Variants in ANKFN1 observed in about 807,000 individuals in gnomAD.
ANKFN1 encodes ankyrin repeat and fibronectin type-III domain-containing protein 1.
ANKFN1 carries 74 observed loss-of-function variants against 108.7 expected under a neutral mutation model. The ratio of observed to expected loss-of-function variants is 0.68; its 90% CI spans 0.56 to 0.83. The LOEUF (loss-of-function observed/expected upper bound fraction) is 0.83, where lower values mean the gene tolerates loss of function less well. ANKFN1 is among the 40% of genes least tolerant of loss of function. The pLI, the probability that ANKFN1 is intolerant of heterozygous loss-of-function variation, is 0.00. For synonymous variants in ANKFN1, 547 were observed against 516.2 expected (o/e 1.06, Z -0.81); for missense variants, 1,505 against 1,382.3 (o/e 1.09, Z -1.41).
At chr17:56,119,196 G>T (rs1906456816) in intron 4 of ANKFN1, among the ~76,000 whole-genome samples, 1 of 151,928 alleles carries the variant, frequency 6.6e-6, no homozygotes, top group South Asian at 2.1e-4. Flanking sequence ...CTAGGGGAAG[G>T]GTAAAAAAAT....
chr17:56,259,692 A>G (rs2043454922), intron 3 of ANKFN1, among the ~76,000 whole-genome samples: 1 of 152,160 alleles, frequency 6.6e-6, no homozygotes. Flanking sequence ...AAAATTTTCT[A>G]GTTTGCCAGT....
chr17:56,420,803 G>A (rs1427445663), intron 8 of ANKFN1, among the ~76,000 whole-genome samples: 1 of 151,702 alleles, frequency 6.6e-6, no homozygotes, highest in African/African-American at 2.4e-5. Flanking sequence ...TGCCTGCCGG[G>A]TTCATGCCAT....
chr17:56,511,710 A>G lies in ANKFN1; in HGVS notation c.*441A>G, dbSNP rs1270220943. The G allele has an allele frequency of 6.5e-6, 1 of 154,920 alleles. No individual in the cohort carries two copies. The highest frequency in any genetic ancestry group is 1.4e-5 in the Non-Finnish European group (1 of 70,050). 9.6% of individuals were successfully genotyped at this position (154,920 alleles called of 1,614,324 possible). A position where few individuals can be genotyped will look rare whatever the true frequency, so the allele number is the denominator to read the frequency against. ...TTAGCATCATTTCTCCCTCCATTCC[A>G]AACCTTAAGAAGAGTTTGAGGGAAA... On this transcript the variant is annotated 3_prime_UTR_variant, in exon 21 of 21. Transcript: ENST00000682825.
chr17:56,473,178 T>G lies in ANKFN1; in HGVS notation c.1774-4310T>G, dbSNP rs552390941. 2.6e-5 allele frequency: 4 copies of G among 152,234 alleles called. No individual in the cohort carries two copies. The South Asian group carries it at 8.3e-4, about 32-fold the overall frequency. The allele number at this position is 152,234 out of a possible 1,614,324, so 9.4% of individuals were successfully genotyped here. Reference sequence around the variant, plus strand: ...ATAGTAAGTGCTCAGTAAAAGTTGGTAAAATGAGTGAATTTGTGAAACAAC... The same window carrying G: ...ATAGTAAGTGCTCAGTAAAAGTTGGGAAAATGAGTGAATTTGTGAAACAAC... On this transcript the variant is annotated intron_variant, in intron 15 of 20. Coordinates refer to ENST00000682825, the MANE Select transcript of ANKFN1 (RefSeq NM_001370326.1).
intron 4 of ANKFN1, among the ~76,000 whole-genome samples, chr17:56,052,761 T>C (rs1904800403): frequency 6.6e-6 from 1 of 152,186 alleles, no homozygotes; most frequent in African/African-American, 2.4e-5. Context: ...TGCACTATTA[T>C]TATTTCCCTC....
intron 3 of ANKFN1, among the ~76,000 whole-genome samples, chr17:56,284,200 T>G (rs1265577991): frequency 6.6e-6 from 1 of 152,212 alleles, no homozygotes; most frequent in Admixed American, 6.5e-5. Context: ...CACTATAGGC[T>G]CTGTCCTACT....
At chr17:56,259,122 G>C (rs892151785) in intron 3 of ANKFN1, among the ~76,000 whole-genome samples, 1 of 152,008 alleles carries the variant, frequency 6.6e-6, no homozygotes, top group South Asian at 2.1e-4. Flanking sequence ...CCATTTTTGA[G>C]GGAACAAAGA....
rs1190782281 is a variant in ANKFN1 at position 56,511,158 on chromosome 17, G to C, written c.3330G>C (p.Leu1110Phe). Residue 1110 changes from leucine (L) to phenylalanine (F), a missense_variant, in exon 21 of 21, where the codon TTG (leucine) becomes TTC (phenylalanine). By Grantham distance (22) the Leu-to-Phe change is conservative (BLOSUM62 0). Coordinates refer to ENST00000682825, the MANE Select transcript of ANKFN1 (RefSeq NM_001370326.1). ...AGGACGAAAAACCATGGGCAAGCTT[G>C]AGCCCGCCCTCTGGAGGCCGCATCA... ...VAQDEKPWAS[L>F]SPPSGGRITL... 6.5e-6 allele frequency: 10 copies of C among 1,536,058 alleles called. No individual in the cohort carries two copies. The highest frequency in any genetic ancestry group is 2.4e-5 in the South Asian group (2 of 84,052).
intron 3 of ANKFN1, among the ~76,000 whole-genome samples, chr17:56,266,759 C>A (rs1332719013): frequency 6.6e-6 from 1 of 152,064 alleles, no homozygotes; most frequent in African/African-American, 2.4e-5. Context: ...ATATGAAGAA[C>A]CATGTGACCA....
chr17:56,137,341 T>C lies in ANKFN1; in HGVS notation c.289-90576T>C, dbSNP rs533332477. On this transcript the variant is annotated intron_variant, in intron 4 of 12. Transcript: ENST00000635860. Reference sequence around the variant, plus strand: ...ACAAATCTTAGAAAACATCAGGAGTTGGATGCTTGAGCAGGGTCAATCTCA... The same window carrying C: ...ACAAATCTTAGAAAACATCAGGAGTCGGATGCTTGAGCAGGGTCAATCTCA... Among the ~76,000 whole-genome samples the C allele has an allele frequency of 2.0e-5, 3 of 152,328 alleles. No individual in the cohort carries two copies. In the South Asian group the frequency reaches 6.2e-4, roughly 32 times the overall value.
chr17:56,387,874 G>A (rs1340015772), intron 8 of ANKFN1, among the ~76,000 whole-genome samples: 1 of 152,012 alleles, frequency 6.6e-6, no homozygotes, highest in Non-Finnish European at 1.5e-5. Flanking sequence ...TTTGTCTCTT[G>A]TAAAGGGTAT....
intron 8 of ANKFN1, among the ~76,000 whole-genome samples, chr17:56,381,073 A>C (rs896429554): frequency 6.6e-6 from 1 of 152,084 alleles, no homozygotes; most frequent in Non-Finnish European, 1.5e-5. Context: ...ACGGCCGGGT[A>C]CTCCTCTGAG....
chr17:56,091,080 A>G (rs1301239860), intron 4 of ANKFN1, among the ~76,000 whole-genome samples: 1 of 151,146 alleles, frequency 6.6e-6, no homozygotes, highest in Non-Finnish European at 1.5e-5. Context: ...TCCTCCCAGA[A>G]GCTGGTCCAA....
At chr17:56,321,215 C>A (rs938069317) in intron 3 of ANKFN1, among the ~76,000 whole-genome samples, 1 of 151,960 alleles carries the variant, frequency 6.6e-6, no homozygotes, top group Admixed American at 6.6e-5. Flanking sequence ...TAAGCATATT[C>A]AGATACACCC....
At chr17:56,350,056 T>C (rs185255592) in intron 4 of ANKFN1, among the ~76,000 whole-genome samples, 5 of 152,286 alleles carry the variant, frequency 3.3e-5, no homozygotes, top group African/African-American at 1.2e-4. Flanking sequence ...AGTTGTGACA[T>C]TGGTGAGGAC....
chr17:56,462,952 C>A (rs575063146), intron 14 of ANKFN1, among the ~76,000 whole-genome samples: 1 of 152,296 alleles, frequency 6.6e-6, no homozygotes, highest in Admixed American at 6.5e-5. Flanking sequence ...CTTTCTCCCC[C>A]TCATCTGCGC....
rs2051851227 is a variant in ANKFN1 at position 56,514,223 on chromosome 17, T to C, written c.*2954T>C. On this transcript the variant is annotated 3_prime_UTR_variant, in exon 21 of 21. Coordinates refer to ENST00000682825, the MANE Select transcript of ANKFN1 (RefSeq NM_001370326.1). ...ATTTGTGAAAATCCTCAAAAATCCT[T>C]GACTGAGGTTCTCCCATATGTCTAT... 6.6e-6 allele frequency among the ~76,000 whole-genome samples: 1 copy of C among 152,208 alleles called. No homozygotes were observed. Among genetic ancestry groups the C allele is most frequent in the African/African-American group, 2.4e-5 (1 of 41,452 alleles).
intron 8 of ANKFN1, among the ~76,000 whole-genome samples, chr17:56,385,996 A>C (rs970159650): frequency 6.6e-6 from 1 of 152,184 alleles, no homozygotes; most frequent in Non-Finnish European, 1.5e-5. Flanking sequence ...ACTATAAATC[A>C]TGCTGCTATA....
chr17:56,492,385 A>G (rs966715133), intron 19 of ANKFN1, 32 bp downstream of exon 19: 6 of 694,306 alleles, frequency 8.6e-6, no homozygotes, highest in Admixed American at 2.0e-5. Context: ...GGTAAAAGGA[A>G]GGGAGAAGAG....
Sources: gnomAD v4.1 joint callset for allele counts (sites outside exome capture counted in the v4.1 genomes callset) on GRCh38, gnomAD v4.1.1 for gene constraint, MANE v1.5 for transcripts, NCBI Gene and HGNC (gene_info 2026-07-23, HGNC 2026-07-21) for gene names.